The following NPAS3 variants were observed in gnomAD, a reference collection of about 807,000 sequenced individuals.
NPAS3 encodes the protein neuronal PAS domain protein 3.
Under a neutral mutation model 73.1 loss-of-function variants are expected in NPAS3, and 14 were observed. That is an observed-to-expected ratio of 0.19 (90% CI 0.13 to 0.30). The LOEUF is 0.30. Among genes scored for constraint, NPAS3 ranks in the 10% least tolerant of loss-of-function variants. The probability of loss-of-function intolerance (pLI) is 1.00; values close to 1 mark genes in which losing one functional copy is unlikely to be tolerated. For synonymous variants in NPAS3, 620 were observed against 541.5 expected (o/e 1.14, Z -2.01); for missense variants, 1,096 against 1,250.0 (o/e 0.88, Z 1.86).
chr14:33,506,031 C>G (rs2052744364), intron 4 of NPAS3, among the ~76,000 whole-genome samples: 1 of 151,964 alleles, frequency 6.6e-6, no homozygotes, highest in Admixed American at 6.6e-5. Flanking sequence ...GACTCCCTTC[C>G]TCTCAGTATA....
chr14:33,519,044 G>C (rs2053442023), intron 4 of NPAS3, among the ~76,000 whole-genome samples: 1 of 152,036 alleles, frequency 6.6e-6, no homozygotes, highest in Non-Finnish European at 1.5e-5. Flanking sequence ...TACCACTCTT[G>C]TACCTATTTG....
intron 3 of NPAS3, among the ~76,000 whole-genome samples, chr14:33,265,894 A>G (rs2040793159): frequency 6.6e-6 from 1 of 152,012 alleles, no homozygotes; most frequent in South Asian, 2.1e-4. Context: ...CACTTTAAAG[A>G]AAATTACATT....
intron 6 of NPAS3, among the ~76,000 whole-genome samples, chr14:33,724,466 T>C (rs2061206434): frequency 6.6e-6 from 1 of 152,018 alleles, no homozygotes; most frequent in African/African-American, 2.4e-5. Context: ...AAACCCTGTT[T>C]CCTCAAAAAA....
chr14:33,327,681 A>C (rs1350003618), intron 3 of NPAS3, among the ~76,000 whole-genome samples: 4 of 152,192 alleles, frequency 2.6e-5, no homozygotes, highest in Non-Finnish European at 1.5e-5. Flanking sequence ...ACAGGAGTAA[A>C]ATTTGAACAG....
At chr14:33,766,633 A>G (rs368428159) in intron 7 of NPAS3, among the ~76,000 whole-genome samples, 1 of 151,334 alleles carries the variant, frequency 6.6e-6, no homozygotes, top group Non-Finnish European at 1.5e-5. Context: ...TAAGTGCTGA[A>G]TCTTACTCCC....
chr14:33,138,015 T>C (rs1029701301), intron 2 of NPAS3, among the ~76,000 whole-genome samples: 2 of 151,936 alleles, frequency 1.3e-5, no homozygotes, highest in African/African-American at 4.8e-5. Flanking sequence ...GTGTAACATC[T>C]TTCTCATCTT....
chr14:33,255,831 T>G (rs2048760716), intron 3 of NPAS3, among the ~76,000 whole-genome samples: 1 of 152,160 alleles, frequency 6.6e-6, no homozygotes, highest in African/African-American at 2.4e-5. Flanking sequence ...GGTCGACCGA[T>G]TAACACACCA....
intron 3 of NPAS3, among the ~76,000 whole-genome samples, chr14:33,221,300 A>C (rs1056592607): frequency 2.6e-5 from 4 of 152,174 alleles, no homozygotes; most frequent in African/African-American, 4.8e-5. Flanking sequence ...CGTGGCACAG[A>C]CCAAAGTCAA....
At chr14:33,699,816 C>G (rs2060480179) in intron 6 of NPAS3, among the ~76,000 whole-genome samples, 1 of 152,072 alleles carries the variant, frequency 6.6e-6, no homozygotes, top group Non-Finnish European at 1.5e-5. Flanking sequence ...AGGCGATGAA[C>G]CCGTACACGG....
chr14:33,418,160 C>G (rs1034777500), intron 4 of NPAS3, among the ~76,000 whole-genome samples: 1 of 151,862 alleles, frequency 6.6e-6, no homozygotes, highest in African/African-American at 2.4e-5. Context: ...GAGCATGCCC[C>G]TACCTAACTT....
At chr14:33,763,205 G>T (rs1360048770) in intron 7 of NPAS3, among the ~76,000 whole-genome samples, 2 of 152,134 alleles carry the variant, frequency 1.3e-5, no homozygotes, top group Non-Finnish European at 2.9e-5. Flanking sequence ...AACACAGGAG[G>T]TACTTGGCAC....
intron 4 of NPAS3, among the ~76,000 whole-genome samples, chr14:33,406,412 C>T (rs1250730415): frequency 6.6e-6 from 1 of 152,026 alleles, no homozygotes; most frequent in Non-Finnish European, 1.5e-5. Context: ...TTGCTGGCAA[C>T]CCCCAAAAGA....
chr14:33,644,174 T>C (rs905388703), intron 5 of NPAS3, among the ~76,000 whole-genome samples: 12 of 152,240 alleles, frequency 7.9e-5, no homozygotes, highest in African/African-American at 2.4e-4. Context: ...GCATAATTTA[T>C]TAACACACTG....
At chr14:33,035,464 A>C (rs536388404) in intron 1 of NPAS3, among the ~76,000 whole-genome samples, 89 of 152,226 alleles carry the variant, frequency 5.8e-4, no homozygotes, top group African/African-American at 2.1e-3. Context: ...CTCCCCAACT[A>C]AATTGTAAGC....
chr14:33,458,249 T>G (rs1021665312), intron 4 of NPAS3, among the ~76,000 whole-genome samples: 1 of 152,258 alleles, frequency 6.6e-6, no homozygotes, highest in African/African-American at 2.4e-5. Context: ...TAATGTAGAC[T>G]TGAATACATA....
intron 3 of NPAS3, among the ~76,000 whole-genome samples, chr14:33,238,489 G>C (rs1265425971): frequency 6.6e-6 from 1 of 151,994 alleles, no homozygotes; most frequent in East Asian, 1.9e-4. Flanking sequence ...GGATCAGGAA[G>C]ATGAATCATT....
intron 5 of NPAS3, among the ~76,000 whole-genome samples, chr14:33,629,788 A>G (rs2058329216): frequency 6.6e-6 from 1 of 151,766 alleles, no homozygotes; most frequent in Non-Finnish European, 1.5e-5. Context: ...TTCTAGCACT[A>G]GACCTGAAAA....
chr14:33,645,895 A>T (rs1321352707), intron 5 of NPAS3, among the ~76,000 whole-genome samples: 2 of 152,262 alleles, frequency 1.3e-5, no homozygotes, highest in Admixed American at 1.3e-4. Context: ...TTCCTTCAAC[A>T]GACCTTCATT....
chr14:33,281,650 G>A (rs901006858), intron 3 of NPAS3, among the ~76,000 whole-genome samples: 3 of 152,118 alleles, frequency 2.0e-5, no homozygotes, highest in Non-Finnish European at 2.9e-5. Flanking sequence ...TTTTTTTTCT[G>A]TGCTTATTTT....
Sources: gnomAD v4.1 joint callset for allele counts (sites outside exome capture counted in the v4.1 genomes callset) on GRCh38, gnomAD v4.1.1 for gene constraint, MANE v1.5 for transcripts, NCBI Gene and HGNC (gene_info 2026-07-23, HGNC 2026-07-21) for gene names.